RNF150: variants seen among roughly 807,000 people sequenced by gnomAD.
RNF150 encodes ring finger protein 150.
In RNF150, 24 loss-of-function variants were observed where a neutral mutation model predicts 39.3. That is an observed-to-expected ratio of 0.61 (90% CI 0.44 to 0.86). The LOEUF (loss-of-function observed/expected upper bound fraction) is 0.86. Ranked by LOEUF, RNF150 falls within the 40% of genes least tolerant of loss-of-function variation. The probability of loss-of-function intolerance (pLI) is 0.00; values close to 1 mark genes in which losing one functional copy is unlikely to be tolerated. For missense variants in RNF150, 502 were observed against 587.8 expected, an observed-to-expected ratio of 0.85 and a Z score of 1.51; for synonymous variants, 255 against 227.3, an observed-to-expected ratio of 1.12 and a Z score of -1.10.
At chr4:141,046,026 T>C (rs1736561938) in intron 1 of RNF150, among the ~76,000 whole-genome samples, 1 of 151,980 alleles carries the variant, frequency 6.6e-6, no homozygotes, top group Admixed American at 6.6e-5. Context: ...AAATGATAAA[T>C]ATAAAAGAAA....
intron 4 of RNF150, among the ~76,000 whole-genome samples, chr4:140,930,911 A>ATAGAAAGGCCG (rs1553992772): frequency 6.6e-6 from 1 of 151,870 alleles, no homozygotes; most frequent in Non-Finnish European, 1.5e-5. Flanking sequence ...GTTAACGACA[A>ATAGAAAGGCCG]TGGAAAGGTT....
intron 1 of RNF150, among the ~76,000 whole-genome samples, chr4:141,139,213 T>C (rs1471425562): frequency 6.6e-6 from 1 of 152,164 alleles, no homozygotes; most frequent in Non-Finnish European, 1.5e-5. Context: ...AGCGAGACCC[T>C]GTCTCGAAAA....
chr4:141,075,358 C>T (rs1298812911), intron 1 of RNF150, among the ~76,000 whole-genome samples: 2 of 152,124 alleles, frequency 1.3e-5, no homozygotes, highest in Non-Finnish European at 2.9e-5. Context: ...CTTTGCTGAC[C>T]CTTGGTCTAC....
chr4:140,888,263 T>A (rs1056681014), intron 6 of RNF150, among the ~76,000 whole-genome samples: 1 of 152,180 alleles, frequency 6.6e-6, no homozygotes, highest in Non-Finnish European at 1.5e-5. Flanking sequence ...GACTCACTCT[T>A]AGCTACAGAA....
intron 5 of RNF150, among the ~76,000 whole-genome samples, chr4:140,912,859 G>T (rs565212935): frequency 4.0e-5 from 6 of 151,652 alleles, no homozygotes; most frequent in Admixed American, 3.9e-4. Context: ...TTGGACACGA[G>T]CAAGTGGGTT....
intron 4 of RNF150, among the ~76,000 whole-genome samples, chr4:140,944,128 CAG>C (rs1347761605): frequency 6.6e-6 from 1 of 152,174 alleles, no homozygotes; most frequent in African/African-American, 2.4e-5. Flanking sequence ...CAGGAAGAAT[CAG>C]AGAGGCTAAC....
At chr4:141,082,581 T>C (rs1263143721) in intron 1 of RNF150, among the ~76,000 whole-genome samples, 1 of 143,372 alleles carries the variant, frequency 7.0e-6, no homozygotes, top group Non-Finnish European at 1.5e-5. Flanking sequence ...GATGAAATTA[T>C]TTTTTTTATT....
intron 1 of RNF150, among the ~76,000 whole-genome samples, chr4:140,989,218 G>A (rs914834768): frequency 1.3e-5 from 2 of 152,026 alleles, no homozygotes; most frequent in Non-Finnish European, 2.9e-5. Context: ...CATCCCTGTT[G>A]GAAAATAGGA....
At chr4:141,090,271 G>A (rs1738530710) in intron 1 of RNF150, among the ~76,000 whole-genome samples, 1 of 152,148 alleles carries the variant, frequency 6.6e-6, no homozygotes, top group Non-Finnish European at 1.5e-5. Context: ...TTTCATGAGA[G>A]GGAAGCTTCT....
intron 1 of RNF150, among the ~76,000 whole-genome samples, chr4:141,006,201 T>C (rs1315706934): frequency 6.7e-6 from 1 of 149,928 alleles, no homozygotes; most frequent in East Asian, 2.0e-4. Flanking sequence ...GGAAATTATA[T>C]ATATACACAC....
chr4:141,123,672 G>A (rs1726674757), intron 1 of RNF150, among the ~76,000 whole-genome samples: 1 of 152,074 alleles, frequency 6.6e-6, no homozygotes, highest in African/African-American at 2.4e-5. Flanking sequence ...ATTTACATTA[G>A]GTATATCTCC....
At chr4:141,161,026 T>C (rs530522316) in intron 1 of RNF150, among the ~76,000 whole-genome samples, 1 of 152,142 alleles carries the variant, frequency 6.6e-6, no homozygotes. Flanking sequence ...AATTGAGTAA[T>C]GAGCAGAGGT....
intron 6 of RNF150, among the ~76,000 whole-genome samples, chr4:140,904,764 A>G (rs1380304717): frequency 6.6e-6 from 1 of 152,188 alleles, no homozygotes; most frequent in African/African-American, 2.4e-5. Flanking sequence ...AAAAGTCCTG[A>G]ACGCACATTC....
At chr4:141,053,609 G>T in intron 1 of RNF150, 2 of 761,570 alleles carry the variant, frequency 2.6e-6, no homozygotes, top group Non-Finnish European at 3.7e-6. Flanking sequence ...AGTTAAGGAA[G>T]ATATCATGGA....
At chr4:140,955,741 A>G (rs1366060183) in intron 2 of RNF150, among the ~76,000 whole-genome samples, 2 of 152,192 alleles carry the variant, frequency 1.3e-5, no homozygotes, top group African/African-American at 2.4e-5. Flanking sequence ...AGACAGAAGC[A>G]TCTCTGCCTG....
At chr4:141,174,905 A>T (rs1447161621) in intron 1 of RNF150, among the ~76,000 whole-genome samples, 2 of 146,410 alleles carry the variant, frequency 1.4e-5, no homozygotes, top group Non-Finnish European at 3.0e-5. Flanking sequence ...AAAAAAAAAA[A>T]CCTCTGTACC....
At chr4:141,096,223 G>C (rs1386800615) in intron 1 of RNF150, among the ~76,000 whole-genome samples, 4 of 111,782 alleles carry the variant, frequency 3.6e-5, no homozygotes, top group African/African-American at 1.5e-4. Flanking sequence ...TTTAGATGGA[G>C]TCTCACTCTG....
chr4:140,887,971 A>G (rs1729638015), intron 6 of RNF150, among the ~76,000 whole-genome samples: 1 of 152,174 alleles, frequency 6.6e-6, no homozygotes, highest in Non-Finnish European at 1.5e-5. Flanking sequence ...TGCTGGCATC[A>G]TTTTACATCA....
chr4:141,119,358 A>G (rs1726542277), intron 1 of RNF150, among the ~76,000 whole-genome samples: 1 of 152,232 alleles, frequency 6.6e-6, no homozygotes, highest in Admixed American at 6.5e-5. Context: ...CAACACATCT[A>G]GACAGGTAGG....
Sources: allele counts gnomAD v4.1 joint callset (sites outside exome capture counted in the v4.1 genomes callset), GRCh38; gene constraint gnomAD v4.1.1; transcripts MANE v1.5; gene names NCBI Gene and HGNC (gene_info 2026-07-23, HGNC 2026-07-21).